Variants in TBC1D1 observed in about 807,000 individuals in gnomAD.
TBC1D1 encodes TBC1 (tre-2/USP6, BUB2, cdc16) domain family, member 1.
In TBC1D1, 89 loss-of-function variants were observed where a neutral mutation model predicts 125.6. The observed-to-expected ratio is 0.71, with a 90% CI of 0.60 to 0.85. The LOEUF (loss-of-function observed/expected upper bound fraction) is 0.85. Among genes scored for constraint, TBC1D1 ranks in the 40% least tolerant of loss-of-function variants. The pLI, the probability that TBC1D1 is intolerant of heterozygous loss-of-function variation, is 0.00. For missense variants in TBC1D1, 1,377 were observed against 1,469.2 expected, an observed-to-expected ratio of 0.94 and a Z score of 1.03; for synonymous variants, 565 against 564.1, an observed-to-expected ratio of 1.00 and a Z score of -0.02.
rs145935863 is a variant in TBC1D1, at chr4:37,943,501, A to T, written c.417+40989A>T. ...TCAGACGTAGATTTCATCTTTTCACATAGTCCCGTATTTCTTGGAGGCTTT... is the reference window on the plus strand; with the variant it reads ...TCAGACGTAGATTTCATCTTTTCACTTAGTCCCGTATTTCTTGGAGGCTTT... On this transcript the variant is annotated intron_variant, in intron 2 of 19. Transcript: ENST00000261439. Among the ~76,000 whole-genome samples, 1,279 of 152,264 alleles carry T rather than the reference A, an allele frequency of 8.4e-3. 11 individuals carry two copies. Among genetic ancestry groups the T allele is most frequent in the African/African-American group, 0.028 (1,145 of 41,556 alleles).
rs991280168 is a variant in TBC1D1, at chr4:38,085,839, A to G, written c.2051-4093A>G. Among the ~76,000 whole-genome samples the G allele has an allele frequency of 2.0e-4, 30 of 152,236 alleles. 1 individual carries two copies. Among genetic ancestry groups the G allele is most frequent in the Non-Finnish European group, 3.8e-4 (26 of 68,048 alleles). ...AGTGAAAACAGTGCCCCGGTTTATC[A>G]TTAGAACAAGGTTCTTAGCTGACAG... On this transcript the variant is annotated intron_variant, in intron 12 of 19. Transcript: ENST00000261439.
At chr4:38,016,739 C>T (rs551985501) in intron 3 of TBC1D1, among the ~76,000 whole-genome samples, 44 of 152,234 alleles carry the variant, frequency 2.9e-4, no homozygotes, top group African/African-American at 7.2e-4. Context: ...AAGGATGGTG[C>T]GTAGAGATGG....
At chr4:37,951,066 A>G (rs1272634524) in intron 2 of TBC1D1, among the ~76,000 whole-genome samples, 1 of 152,130 alleles carries the variant, frequency 6.6e-6, no homozygotes, top group East Asian at 1.9e-4. Context: ...CGCCTGGCCT[A>G]TTCACCATTT....
At chr4:38,011,937 C>T (rs959286600) in intron 2 of TBC1D1, among the ~76,000 whole-genome samples, 23 of 152,186 alleles carry the variant, frequency 1.5e-4, no homozygotes, top group Non-Finnish European at 5.9e-5. Flanking sequence ...TACTGAGTCA[C>T]CAACAAATTC....
At chr4:38,006,474 ATTTTTTTTTTT>A (rs71190940) in intron 2 of TBC1D1, among the ~76,000 whole-genome samples, 2 of 101,388 alleles carry the variant, frequency 2.0e-5, no homozygotes, top group Non-Finnish European at 1.9e-5. Context: ...GACCAACACT[ATTTTTTTTTTT>A]TTTTTTTTTT....
chr4:37,994,827 A>G (rs1737423079), intron 2 of TBC1D1, among the ~76,000 whole-genome samples: 1 of 152,166 alleles, frequency 6.6e-6, no homozygotes, highest in African/African-American at 2.4e-5. Context: ...TTTGTTCTCC[A>G]GGCCATTCTG....
intron 12 of TBC1D1, among the ~76,000 whole-genome samples, chr4:38,086,797 G>A (rs913902558): frequency 1.3e-5 from 2 of 152,190 alleles, no homozygotes; most frequent in African/African-American, 4.8e-5. Context: ...AGCAGTGGAG[G>A]CATTACTGGG....
At position 38,114,326 on chromosome 4, in the gene TBC1D1, C is replaced by T. The variant is rs560431276; in HGVS notation, c.2558-1384C>T. 3.7e-4 allele frequency among the ~76,000 whole-genome samples: 56 copies of T among 152,210 alleles called. No homozygotes were observed. In the South Asian group the frequency reaches 8.9e-3, roughly 24 times the overall value. On this transcript the variant is annotated intron_variant, in intron 15 of 19. Coordinates refer to ENST00000261439, the MANE Select transcript of TBC1D1 (RefSeq NM_015173.4). ...GAGGAGGCAAGAAGTGAATACAGAA[C>T]GAGAAATCAGGACAGTGGTTAGGAG...
intron 8 of TBC1D1, among the ~76,000 whole-genome samples, chr4:38,040,215 A>G (rs1748082957): frequency 6.6e-6 from 1 of 152,190 alleles, no homozygotes; most frequent in Non-Finnish European, 1.5e-5. Flanking sequence ...ATGCATACAA[A>G]TGCACTTCTG....
intron 2 of TBC1D1, among the ~76,000 whole-genome samples, chr4:37,956,433 C>G (rs893611128): frequency 1.3e-5 from 2 of 152,226 alleles, no homozygotes; most frequent in Non-Finnish European, 2.9e-5. Flanking sequence ...GTTTTGCTCA[C>G]AGATGTGTTG....
At chr4:38,032,171 T>C (rs191898477) in intron 7 of TBC1D1, among the ~76,000 whole-genome samples, 11 of 152,158 alleles carry the variant, frequency 7.2e-5, no homozygotes, top group Admixed American at 4.6e-4. Context: ...ATACAAAAAT[T>C]AGCCAGGCAT....
At position 37,902,228 on chromosome 4, in the gene TBC1D1, G is replaced by C. The variant is rs369686577; in HGVS notation, c.133G>C (p.Ala45Pro). The stretch of plus-strand genomic sequence containing the variant: ...CATGCCCATGCTGCCCTGGGTTGTG[G>C]CTGAGGTGCGAAGACTCAGCAGGCA... Residue 45 changes from alanine (A) to proline (P), a missense_variant, in exon 2 of 20, where the codon GCT becomes CCT. Ala to Pro is a conservative substitution (Grantham distance 27, BLOSUM62 -1). Around this residue, in one of 3 missense-constraint regions of TBC1D1, gnomAD observed 822 missense variants for 824.6 expected, o/e 1.00. Transcript: ENST00000261439. 7.6e-5 allele frequency: 123 copies of C among 1,613,942 alleles called. No individual in the cohort carries two copies. Among genetic ancestry groups the C allele is most frequent in the Non-Finnish European group, 9.8e-5 (116 of 1,180,018 alleles).
intron 10 of TBC1D1, among the ~76,000 whole-genome samples, chr4:38,047,162 C>T (rs1425431071): frequency 6.6e-6 from 1 of 152,206 alleles, no homozygotes; most frequent in African/African-American, 2.4e-5. Context: ...GCAAACTACT[C>T]AGTTGTACCA....
At chr4:38,114,982 A>G (rs1762737810) in intron 15 of TBC1D1, among the ~76,000 whole-genome samples, 1 of 152,116 alleles carries the variant, frequency 6.6e-6, no homozygotes, top group Non-Finnish European at 1.5e-5. Context: ...TTTTAGCTGC[A>G]TTTAGATGAT....
intron 12 of TBC1D1, among the ~76,000 whole-genome samples, chr4:38,061,088 GA>G (rs957022154): frequency 3.9e-5 from 6 of 152,214 alleles, no homozygotes; most frequent in African/African-American, 9.7e-5. Flanking sequence ...GTGTGATGGG[GA>G]AAATGCAGTG....
intron 8 of TBC1D1, 45 bp downstream of exon 8, chr4:38,035,743 A>T: frequency 7.1e-7 from 1 of 1,401,250 alleles, no homozygotes; most frequent in Non-Finnish European, 1.0e-6. Context: ...GTCTCTGCCA[A>T]GTCTCTGTAT....
At chr4:37,933,433 TACACACACACACACACACAC>T (rs3038289) in intron 2 of TBC1D1, among the ~76,000 whole-genome samples, 15 of 147,364 alleles carry the variant, frequency 1.0e-4, no homozygotes, top group Non-Finnish European at 3.0e-5. Context: ...ACATATGTTT[TACACACACACACACACACAC>T]ACACACACAC....
intron 15 of TBC1D1, among the ~76,000 whole-genome samples, chr4:38,112,762 C>T (rs747349783): frequency 1.6e-4 from 24 of 152,132 alleles, no homozygotes; most frequent in Non-Finnish European, 3.5e-4. Flanking sequence ...GCGTCCAGAC[C>T]CTGGCTCCAG....
In TBC1D1 at chr4:38,014,652, G is replaced by T; in HGVS notation, c.561G>T (p.Lys187Asn). 1 of 1,613,250 alleles carries T rather than the reference G, an allele frequency of 6.2e-7. No individual in the cohort carries two copies. The highest frequency in any genetic ancestry group is 2.2e-5 in the East Asian group (1 of 44,882). The change falls in exon 3 of 20, where the codon AAG becomes AAT. Residue 187 changes from lysine (K) to asparagine (N), a missense_variant. Physicochemically the swap from Lys to Asn is moderately conservative, Grantham distance 94. Around this residue, in one of 3 missense-constraint regions of TBC1D1, gnomAD observed 822 missense variants for 824.6 expected, o/e 1.00. Transcript: ENST00000261439. This position sits in a 1 kb window ranked among gnomAD's most constrained non-coding sequence, Gnocchi z 5.1. ...GCCGCGTGACGGTGGCGCACAAGAA[G>T]GCTCCGCCGGCCCTGATCGACGAGT... is the stretch of plus-strand genomic sequence containing the variant.
Sources: allele counts gnomAD v4.1 joint callset (sites outside exome capture counted in the v4.1 genomes callset), GRCh38; gene constraint gnomAD v4.1.1; regional missense constraint gnomAD v4.1.1; non-coding constraint Gnocchi (gnomAD v3.1); transcripts MANE v1.5; gene names NCBI Gene and HGNC (gene_info 2026-07-23, HGNC 2026-07-21).